Variants in CHST14 observed in about 807,000 individuals in gnomAD.
The protein encoded by CHST14 is carbohydrate sulfotransferase 14.
Under a neutral mutation model 22.7 loss-of-function variants are expected in CHST14, and 13 were observed. The observed-to-expected ratio is 0.57, with a 90% CI of 0.37 to 0.91. CHST14 has a LOEUF of 0.91. Among genes scored for constraint, CHST14 ranks in the 40% least tolerant of loss-of-function variants. The pLI is 0.01. For missense variants in CHST14, 466 were observed against 513.1 expected, an observed-to-expected ratio of 0.91 and a Z score of 0.89; for synonymous variants, 233 against 231.9, an observed-to-expected ratio of 1.00 and a Z score of -0.04.
Position 40,471,796 on chromosome 15 carries a change from C to T in CHST14, c.583C>T (p.Arg195Trp). 6.8e-6 allele frequency: 11 copies of T among 1,613,762 alleles called. No individual in the cohort carries two copies. The highest frequency in any genetic ancestry group is 9.3e-6 in the Non-Finnish European group (11 of 1,180,032). ...TGACCTGGTGTTCCTGGCCGACCTG[C>T]GGCCTGAGGAGATTCGCTACCGCCT... ...RSDLVFLADL[R>W]PEEIRYRLQH... The change falls in exon 1 of 1, where the codon CGG becomes TGG. Residue 195 changes from arginine to tryptophan, a missense_variant. Physicochemically the swap from Arg to Trp is moderately radical, Grantham distance 101. Coordinates refer to ENST00000306243, the MANE Select transcript of CHST14 (RefSeq NM_130468.4). This position sits in a 1 kb window ranked among gnomAD's most constrained non-coding sequence, Gnocchi z 6.4.
At position 40,472,561 on chromosome 15, in the gene CHST14, GA is replaced by G; in HGVS notation, c.*218del. The G allele has an allele frequency of 1.7e-6, 1 of 583,668 alleles. No homozygotes were observed. Among genetic ancestry groups the G allele is most frequent in the South Asian group, 2.5e-5 (1 of 40,500 alleles). The allele number at this position is 583,668 out of a possible 1,614,324, so 36.2% of individuals were successfully genotyped here. A position where few individuals can be genotyped will look rare whatever the true frequency, so the allele number is the denominator to read the frequency against. On this transcript the variant is annotated 3_prime_UTR_variant, in exon 1 of 1. Coordinates refer to ENST00000306243, the MANE Select transcript of CHST14 (RefSeq NM_130468.4). The stretch of plus-strand genomic sequence containing the variant: ...GAGACCTGCTGCTCCTCATTGGGGG[GA>G]TCTCTTGGGGGGCAGACACCAGTTT...
chr15:40,471,277 C>T lies in CHST14; in HGVS notation c.64C>T (p.Leu22=). Residue 22 remains leucine, a synonymous_variant, in exon 1 of 1, where the codon CTG becomes TTG. Coordinates refer to ENST00000306243, the MANE Select transcript of CHST14 (RefSeq NM_130468.4). This position sits in a 1 kb window ranked among gnomAD's most constrained non-coding sequence, Gnocchi z 6.4. ...TGGCGCCGAGCCCCTGGGCCGGGCG[C>T]TGAGGCGGGCCCCTCTGGGCAGGGC... ...PNGAEPLGRA[L]RRAPLGRARA... The T allele has an allele frequency of 6.6e-7, 1 of 1,505,512 alleles. No homozygotes were observed. The allele number at this position is 1,505,512 out of a possible 1,614,324, so 93.3% of individuals were successfully genotyped here. A position where few individuals can be genotyped will look rare whatever the true frequency, so the allele number is the denominator to read the frequency against.
At position 40,471,476 on chromosome 15, in the gene CHST14, C is replaced by T. The variant is rs1894345068; in HGVS notation, c.263C>T (p.Pro88Leu). Residue 88 changes from proline (P) to leucine (L), a missense_variant, in exon 1 of 1, where the codon CCC becomes CTC. Transcript: ENST00000306243. The surrounding 1 kb of genome is among the most constrained non-coding windows in gnomAD (Gnocchi z 6.4). Reference protein sequence around the residue: ...REGTAWRGKAPKPGGLSLRAG... With the variant: ...REGTAWRGKALKPGGLSLRAG... ...GGCACAGCCTGGCGCGGGAAAGCCC[C>T]CAAGCCTGGGGGCCTGTCCCTCAGG... 1 of 1,597,324 alleles carries T rather than the reference C, an allele frequency of 6.3e-7. No homozygotes were observed. The highest frequency in any genetic ancestry group is 8.5e-7 in the Non-Finnish European group (1 of 1,176,218).
At position 40,471,651 on chromosome 15, in the gene CHST14, T is replaced by C. The variant is rs768920700; in HGVS notation, c.438T>C (p.Arg146=). ...TGCGCCACATCCTCGTAAGTGACCG[T>C]TACCGCTTCCTCTACTGCTACGTCC... The part of the protein sequence containing the change: ...TLLRHILVSD[R]YRFLYCYVPK... Residue 146 remains arginine (R), a synonymous_variant, in exon 1 of 1, where the codon CGT becomes CGC. Transcript: ENST00000306243. This position sits in a 1 kb window ranked among gnomAD's most constrained non-coding sequence, Gnocchi z 6.4. The C allele has an allele frequency of 1.2e-6, 2 of 1,613,516 alleles. No individual in the cohort carries two copies. Among genetic ancestry groups the C allele is most frequent in the East Asian group, 4.5e-5 (2 of 44,852 alleles).
chr15:40,471,956 G>C lies in CHST14; in HGVS notation c.743G>C (p.Gly248Ala), dbSNP rs778069410. 57 of 1,613,976 alleles carry C rather than the reference G, an allele frequency of 3.5e-5. No individual in the cohort carries two copies. Among genetic ancestry groups the C allele is most frequent in the Non-Finnish European group, 4.7e-5 (55 of 1,180,036 alleles). The change falls in exon 1 of 1, where the codon GGA (glycine) becomes GCA (alanine). Residue 248 changes from glycine to alanine, a missense_variant. Coordinates refer to ENST00000306243, the MANE Select transcript of CHST14 (RefSeq NM_130468.4). This position sits in a 1 kb window ranked among gnomAD's most constrained non-coding sequence, Gnocchi z 6.4. ...GAEIVRRYRAGAGPSPAGDDV... is the reference protein window; with the variant it reads ...GAEIVRRYRAAAGPSPAGDDV... ...GAGATAGTGAGGCGGTACAGGGCTGGAGCGGGGCCCAGCCCTGCAGGCGAC... is the reference window on the plus strand; with the variant it reads ...GAGATAGTGAGGCGGTACAGGGCTGCAGCGGGGCCCAGCCCTGCAGGCGAC...
At position 40,472,351 on chromosome 15, in the gene CHST14, G is replaced by A. The variant is rs747002114; in HGVS notation, c.*7G>A. On this transcript the variant is annotated 3_prime_UTR_variant, in exon 1 of 1. Transcript: ENST00000306243. ...GGAGGCGTGTCAGCAGTGACCATGGGTGTGGGGCCAGCAGCTGGTGGGGAC... is the reference window on the plus strand; with the variant it reads ...GGAGGCGTGTCAGCAGTGACCATGGATGTGGGGCCAGCAGCTGGTGGGGAC... The A allele has an allele frequency of 4.4e-6, 7 of 1,589,076 alleles. No homozygotes were observed. The highest frequency in any genetic ancestry group is 6.0e-6 in the Non-Finnish European group (7 of 1,166,644).
chr15:40,471,514 G>A lies in CHST14; in HGVS notation c.301G>A (p.Asp101Asn), dbSNP rs772328190. 2 of 1,600,568 alleles carry A rather than the reference G, an allele frequency of 1.2e-6. No individual in the cohort carries two copies. Among genetic ancestry groups the A allele is most frequent in the Non-Finnish European group, 1.7e-6 (2 of 1,175,804 alleles). The change falls in exon 1 of 1, where the codon GAC (aspartate) becomes AAC (asparagine). Residue 101 changes from aspartate to asparagine, a missense_variant. Physicochemically the swap from Asp to Asn is conservative, Grantham distance 23. Coordinates refer to ENST00000306243, the MANE Select transcript of CHST14 (RefSeq NM_130468.4). This position sits in a 1 kb window ranked among gnomAD's most constrained non-coding sequence, Gnocchi z 6.4. Reference protein sequence around the residue: ...GGLSLRAGDADLQVRQDVRNR... With the variant: ...GGLSLRAGDANLQVRQDVRNR... ...CCTGTCCCTCAGGGCTGGGGACGCGGACTTGCAAGTGCGGCAGGACGTCCG... is the reference window on the plus strand; with the variant it reads ...CCTGTCCCTCAGGGCTGGGGACGCGAACTTGCAAGTGCGGCAGGACGTCCG...
chr15:40,472,113 G>A lies in CHST14; in HGVS notation c.900G>A (p.Glu300=). ...AVHYDFVGSY[E]RLEADANQVL... ...ACTATGACTTTGTGGGCTCCTATGA[G>A]AGGCTGGAGGCTGATGCAAATCAGG... Residue 300 remains glutamate, a synonymous_variant, in exon 1 of 1, where the codon GAG becomes GAA. Coordinates refer to ENST00000306243, the MANE Select transcript of CHST14 (RefSeq NM_130468.4). 6.2e-7 allele frequency: 1 copy of A among 1,614,190 alleles called. No individual in the cohort carries two copies. Among genetic ancestry groups the A allele is most frequent in the East Asian group, 2.2e-5 (1 of 44,874 alleles).
At position 40,471,939 on chromosome 15, in the gene CHST14, G is replaced by A. The variant is rs756395451; in HGVS notation, c.726G>A (p.Val242=). The A allele has an allele frequency of 6.2e-7, 1 of 1,613,990 alleles. No individual in the cohort carries two copies. Among genetic ancestry groups the A allele is most frequent in the Non-Finnish European group, 8.5e-7 (1 of 1,180,046 alleles). Residue 242 remains valine, a synonymous_variant, in exon 1 of 1, where the codon GTG becomes GTA. Coordinates refer to ENST00000306243, the MANE Select transcript of CHST14 (RefSeq NM_130468.4). This position sits in a 1 kb window ranked among gnomAD's most constrained non-coding sequence, Gnocchi z 6.4. ...EYQQRYGAEI[V]RRYRAGAGPS... is the part of the protein sequence containing the mutation. ...AGCAACGCTATGGGGCTGAGATAGT[G>A]AGGCGGTACAGGGCTGGAGCGGGGC...
Position 40,472,253 on chromosome 15 carries a change from T to C in CHST14, c.1040T>C (p.Leu347Pro). ...HYHLCSAPRA[L>P]LQDVLPKYIL... ...CACTTGTGCAGTGCCCCCCGGGCCC[T>C]GCTGCAGGATGTGCTGCCTAAGTAT... The change falls in exon 1 of 1, where the codon CTG becomes CCG. Residue 347 changes from leucine (L) to proline (P), a missense_variant. By Grantham distance (98) the Leu-to-Pro change is moderately conservative. Transcript: ENST00000306243. 1 of 1,612,456 alleles carries C rather than the reference T, an allele frequency of 6.2e-7. No homozygotes were observed. Among genetic ancestry groups the C allele is most frequent in the Non-Finnish European group, 8.5e-7 (1 of 1,178,780 alleles).
chr15:40,472,220 T>C lies in CHST14; in HGVS notation c.1007T>C (p.Leu336Pro), dbSNP rs758949864. 5.0e-6 allele frequency: 8 copies of C among 1,613,988 alleles called. No homozygotes were observed. The highest frequency in any genetic ancestry group is 6.8e-6 in the Non-Finnish European group (8 of 1,180,008). The change falls in exon 1 of 1, where the codon CTG becomes CCG. Residue 336 changes from leucine (L) to proline (P), a missense_variant. Physicochemically the swap from Leu to Pro is moderately conservative, Grantham distance 98 (BLOSUM62 -3). Coordinates refer to ENST00000306243, the MANE Select transcript of CHST14 (RefSeq NM_130468.4). ...AWYRPASPES[L>P]HYHLCSAPRA... The stretch of plus-strand genomic sequence containing the variant: ...TACCGGCCAGCCAGCCCCGAAAGCC[T>C]GCATTACCACTTGTGCAGTGCCCCC...
chr15:40,471,655 C>T lies in CHST14; in HGVS notation c.442C>T (p.Arg148Cys). The part of the protein sequence containing the change: ...LRHILVSDRY[R>C]FLYCYVPKVA... ...CCACATCCTCGTAAGTGACCGTTAC[C>T]GCTTCCTCTACTGCTACGTCCCCAA... Residue 148 changes from arginine (R) to cysteine (C), a missense_variant, in exon 1 of 1, where the codon CGC (arginine) becomes TGC (cysteine). Transcript: ENST00000306243. This position sits in a 1 kb window ranked among gnomAD's most constrained non-coding sequence, Gnocchi z 6.4. 1 of 1,613,580 alleles carries T rather than the reference C, an allele frequency of 6.2e-7. No homozygotes were observed. The highest frequency in any genetic ancestry group is 1.6e-4 in the Middle Eastern group (1 of 6,062).
Position 40,471,081 on chromosome 15 carries a change from C to A in CHST14, c.-133C>A. 2.4e-6 allele frequency: 1 copy of A among 423,998 alleles called. No individual in the cohort carries two copies. The highest frequency in any genetic ancestry group is 5.8e-5 in the South Asian group (1 of 17,346). The allele number at this position is 423,998 out of a possible 1,614,324, so 26.3% of individuals were successfully genotyped here. A position where few individuals can be genotyped will look rare whatever the true frequency, so the allele number is the denominator to read the frequency against. ...GGGAGCCGGCCACCCCTACACGCGC[C>A]AGGGCTGTCCCCTGCCCTCCCCTCC... On this transcript the variant is annotated 5_prime_UTR_variant, in exon 1 of 1. Coordinates refer to ENST00000306243, the MANE Select transcript of CHST14 (RefSeq NM_130468.4). This position sits in a 1 kb window ranked among gnomAD's most constrained non-coding sequence, Gnocchi z 6.4.
Position 40,472,523 on chromosome 15 carries a change from C to T in CHST14, c.*179C>T. 1 of 657,556 alleles carries T rather than the reference C, an allele frequency of 1.5e-6. No individual in the cohort carries two copies. The highest frequency in any genetic ancestry group is 2.7e-5 in the East Asian group (1 of 36,412). The allele number at this position is 657,556 out of a possible 1,614,324, so 40.7% of individuals were successfully genotyped here. ...TGGGCACCCACAGTGACTCAGAGGA[C>T]AGGGCTAGGCAGGAGACCTGCTGCT... is the stretch of plus-strand genomic sequence containing the variant. On this transcript the variant is annotated 3_prime_UTR_variant, in exon 1 of 1. Transcript: ENST00000306243.
chr15:40,471,031 G>A lies in CHST14; in HGVS notation c.-183G>A, dbSNP rs1185831871. 1 of 337,236 alleles carries A rather than the reference G, an allele frequency of 3.0e-6. No homozygotes were observed. Among genetic ancestry groups the A allele is most frequent in the South Asian group, 1.4e-4 (1 of 7,346 alleles). 20.9% of individuals were successfully genotyped at this position (337,236 alleles called of 1,614,324 possible). A position where few individuals can be genotyped will look rare whatever the true frequency, so the allele number is the denominator to read the frequency against. ...GGGTCCCTCGCCGCGCCCGCCGCCC[G>A]CCGCCCGCTTCGGCGCCGCAGCCCG... is the stretch of plus-strand genomic sequence containing the variant. On this transcript the variant is annotated 5_prime_UTR_variant, in exon 1 of 1. Coordinates refer to ENST00000306243, the MANE Select transcript of CHST14 (RefSeq NM_130468.4). This position sits in a 1 kb window ranked among gnomAD's most constrained non-coding sequence, Gnocchi z 6.4.
At position 40,471,909 on chromosome 15, in the gene CHST14, G is replaced by C; in HGVS notation, c.696G>C (p.Glu232Asp). ...GCAACAAGTTTGGCGAGATCCGAGA[G>C]TACCAGCAACGCTATGGGGCTGAGA... ...AYRNKFGEIREYQQRYGAEIV... is the reference protein window; with the variant it reads ...AYRNKFGEIRDYQQRYGAEIV... The change falls in exon 1 of 1, where the codon GAG becomes GAC. Residue 232 changes from glutamate (E) to aspartate (D), a missense_variant. By Grantham distance (45) the Glu-to-Asp change is conservative (BLOSUM62 2). Coordinates refer to ENST00000306243, the MANE Select transcript of CHST14 (RefSeq NM_130468.4). The surrounding 1 kb of genome is among the most constrained non-coding windows in gnomAD (Gnocchi z 6.4). The C allele has an allele frequency of 6.2e-7, 1 of 1,614,158 alleles. No individual in the cohort carries two copies. Among genetic ancestry groups the C allele is most frequent in the Non-Finnish European group, 8.5e-7 (1 of 1,180,040 alleles).
rs577809616 is a variant in CHST14 at position 40,471,271 on chromosome 15, C to T, written c.58C>T (p.Arg20Trp). 1.9e-4 allele frequency: 292 copies of T among 1,500,988 alleles called. 3 individuals are homozygous for T. In the East Asian group the frequency reaches 6.0e-3, roughly 31 times the overall value. 93.0% of individuals were successfully genotyped at this position (1,500,988 alleles called of 1,614,324 possible). A position where few individuals can be genotyped will look rare whatever the true frequency, so the allele number is the denominator to read the frequency against. Reference protein sequence around the residue: ...AAPNGAEPLGRALRRAPLGRA... With the variant: ...AAPNGAEPLGWALRRAPLGRA... ...CCCAAATGGCGCCGAGCCCCTGGGC[C>T]GGGCGCTGAGGCGGGCCCCTCTGGG... Residue 20 changes from arginine to tryptophan, a missense_variant, in exon 1 of 1, where the codon CGG (arginine) becomes TGG (tryptophan). Physicochemically the swap from Arg to Trp is moderately radical, Grantham distance 101. Coordinates refer to ENST00000306243, the MANE Select transcript of CHST14 (RefSeq NM_130468.4). The surrounding 1 kb of genome is among the most constrained non-coding windows in gnomAD (Gnocchi z 6.4).
At position 40,471,831 on chromosome 15, in the gene CHST14, C is replaced by CT; in HGVS notation, c.621dup (p.Lys208Ter). 6.2e-7 allele frequency: 1 copy of CT among 1,613,876 alleles called. No homozygotes were observed. The highest frequency in any genetic ancestry group is 8.5e-7 in the Non-Finnish European group (1 of 1,180,044). On this transcript the variant is annotated frameshift_variant, in exon 1 of 1. Transcript: ENST00000306243. LOFTEE classifies it high-confidence loss of function. The surrounding 1 kb of genome is among the most constrained non-coding windows in gnomAD (Gnocchi z 6.4). The stretch of plus-strand genomic sequence containing the variant: ...AGATTCGCTACCGCCTGCAGCACTA[C>CT]TTTAAGTTCCTGTTTGTGCGGGAGC...
rs550038340 is a variant in CHST14, at chr15:40,471,640, G to A, written c.427G>A (p.Val143Ile). Residue 143 changes from valine (V) to isoleucine (I), a missense_variant, in exon 1 of 1, where the codon GTA (valine) becomes ATA (isoleucine). Val to Ile is a conservative substitution (Grantham distance 29, BLOSUM62 3). Transcript: ENST00000306243. The surrounding 1 kb of genome is among the most constrained non-coding windows in gnomAD (Gnocchi z 6.4). ...GCGCACCCTGCTGCGCCACATCCTCGTAAGTGACCGTTACCGCTTCCTCTA... is the reference window on the plus strand; with the variant it reads ...GCGCACCCTGCTGCGCCACATCCTCATAAGTGACCGTTACCGCTTCCTCTA... ...QRRTLLRHIL[V>I]SDRYRFLYCY... is the part of the protein sequence containing the mutation. 1.1e-5 allele frequency: 18 copies of A among 1,613,478 alleles called. No individual in the cohort carries two copies. The highest frequency in any genetic ancestry group is 1.5e-5 in the Non-Finnish European group (18 of 1,180,016).
Sources: gnomAD v4.1 joint callset for allele counts on GRCh38, gnomAD v4.1.1 for gene constraint, Gnocchi (gnomAD v3.1) non-coding constraint, MANE v1.5 for transcripts, NCBI Gene and HGNC (gene_info 2026-07-23, HGNC 2026-07-21) for gene names.